The following MAST4 variants were observed in gnomAD, a reference collection of about 807,000 sequenced individuals.
MAST4 encodes microtubule associated serine/threonine kinase family member 4, also known as microtubule-associated serine/threonine-protein kinase 4.
Under a neutral mutation model 162.7 loss-of-function variants are expected in MAST4, and 89 were observed. The observed-to-expected ratio is 0.55, with a 90% CI of 0.46 to 0.65. MAST4 has a LOEUF of 0.65. MAST4 is among the 30% of genes least tolerant of loss of function. The pLI, the probability that MAST4 is intolerant of heterozygous loss-of-function variation, is 0.00. For synonymous variants in MAST4, 1,479 were observed against 1,361.1 expected (o/e 1.09, Z -1.91); for missense variants, 3,153 against 3,374.0 (o/e 0.93, Z 1.62).
rs760850662 is a variant in MAST4, at chr5:67,162,838, A to T, written c.3967+50A>T. 7.1e-6 allele frequency: 11 copies of T among 1,544,590 alleles called. No individual in the cohort carries two copies. The East Asian group carries it at 2.3e-4, about 32-fold the overall frequency. On this transcript the variant is annotated intron_variant, in intron 28 of 28. Transcript: ENST00000403625. ...AGCAGAGGGGAGGGGAGGTAAAGTC[A>T]TGTGAGGTCCCCAAAAAACATGAAG...
intron 1 of MAST4, among the ~76,000 whole-genome samples, chr5:66,685,921 C>G (rs968083462): frequency 1.3e-5 from 2 of 152,008 alleles, no homozygotes; most frequent in African/African-American, 4.8e-5. Context: ...ACTGTTCCAC[C>G]TCAGATCATT....
intron 24 of MAST4, among the ~76,000 whole-genome samples, chr5:67,151,575 A>G (rs889735805): frequency 2.6e-5 from 4 of 152,182 alleles, no homozygotes; most frequent in Non-Finnish European, 5.9e-5. Context: ...GTGTTTTGGA[A>G]TATGCAATGA....
chr5:66,794,586 C>T (rs1297137121), intron 3 of MAST4, among the ~76,000 whole-genome samples: 2 of 152,096 alleles, frequency 1.3e-5, no homozygotes, highest in Non-Finnish European at 2.9e-5. Context: ...GGAATTTAAC[C>T]TTTTTGTCCT....
At chr5:67,028,176 CAA>C (rs1433471591) in intron 4 of MAST4, among the ~76,000 whole-genome samples, 1 of 107,248 alleles carries the variant, frequency 9.3e-6, no homozygotes, top group Non-Finnish European at 2.3e-5. Context: ...AGACACACAA[CAA>C]AAAAGTGGGC....
intron 4 of MAST4, among the ~76,000 whole-genome samples, chr5:67,007,255 T>G (rs748961874): frequency 1.3e-5 from 2 of 152,194 alleles, no homozygotes; most frequent in African/African-American, 2.4e-5. Flanking sequence ...CTAAATCCTG[T>G]TTCCTTTTCC....
At chr5:66,764,573 C>T (rs1754001261) in intron 2 of MAST4, among the ~76,000 whole-genome samples, 1 of 151,854 alleles carries the variant, frequency 6.6e-6, no homozygotes, top group African/African-American at 2.4e-5. Context: ...CTAGATGATC[C>T]TGACTCTGCA....
chr5:66,894,857 A>T (rs866697577), intron 3 of MAST4, among the ~76,000 whole-genome samples: 1 of 152,074 alleles, frequency 6.6e-6, no homozygotes, highest in Non-Finnish European at 1.5e-5. Flanking sequence ...CTCCCACTAT[A>T]CTAGTGAGGG....
intron 4 of MAST4, chr5:67,003,851 T>A (rs1751581800): frequency 6.6e-6 from 1 of 152,228 alleles, no homozygotes; most frequent in South Asian, 2.1e-4. Context: ...TACCTAGATC[T>A]GTAGTTGCCG....
chr5:66,750,191 A>T (rs1414552468), intron 1 of MAST4, among the ~76,000 whole-genome samples: 1 of 152,148 alleles, frequency 6.6e-6, no homozygotes, highest in African/African-American at 2.4e-5. Flanking sequence ...GCCTCTCATT[A>T]TGTATGCAGA....
chr5:66,950,326 G>C (rs894793115), intron 4 of MAST4, among the ~76,000 whole-genome samples: 1 of 151,300 alleles, frequency 6.6e-6, no homozygotes, highest in Non-Finnish European at 1.5e-5. Context: ...GCGCCATTAA[G>C]TACATTCACA....
intron 1 of MAST4, among the ~76,000 whole-genome samples, chr5:66,748,075 A>G (rs1752877093): frequency 6.6e-6 from 1 of 152,174 alleles, no homozygotes; most frequent in Admixed American, 6.5e-5. Flanking sequence ...ACTGAAGTAG[A>G]GAAACATGAC....
chr5:66,957,944 C>G (rs1460487394), intron 4 of MAST4, among the ~76,000 whole-genome samples: 1 of 152,216 alleles, frequency 6.6e-6, no homozygotes, highest in South Asian at 2.1e-4. Flanking sequence ...TTAGGCAGAC[C>G]TCTGGGATAA....
At position 66,798,996 on chromosome 5, in the gene MAST4, A is replaced by G. The variant is rs60796607; in HGVS notation, c.642+10202A>G. 6.0e-3 allele frequency among the ~76,000 whole-genome samples: 907 copies of G among 152,328 alleles called. 9 individuals carry two copies. Among genetic ancestry groups the G allele is most frequent in the African/African-American group, 0.021 (867 of 41,564 alleles). On this transcript the variant is annotated intron_variant, in intron 3 of 28. Transcript: ENST00000403625. ...TTTATAAAGCTCTGATTTTAAAGTC[A>G]TCAGTTAAACTTTTAAAAACCTCCG...
At position 67,116,805 on chromosome 5, in the gene MAST4, G is replaced by A. The variant is rs146074821; in HGVS notation, c.1592-1877G>A. ...CACTACAGTCTGAGCGACAGAACAA[G>A]ACTCCATCTCAAGAAATAAAAAATA... is the stretch of plus-strand genomic sequence containing the variant. On this transcript the variant is annotated intron_variant, in intron 12 of 28. Transcript: ENST00000403625. Among the ~76,000 whole-genome samples the A allele has an allele frequency of 7.9e-4, 121 of 152,202 alleles. 1 individual carries two copies. The highest frequency in any genetic ancestry group is 2.6e-3 in the African/African-American group (109 of 41,540).
At chr5:66,917,540 A>AG (rs1232723991) in intron 4 of MAST4, among the ~76,000 whole-genome samples, 5 of 151,710 alleles carry the variant, frequency 3.3e-5, no homozygotes, top group Non-Finnish European at 7.4e-5. Context: ...TTTTAAAAAA[A>AG]CATTCAATCT....
intron 2 of MAST4, among the ~76,000 whole-genome samples, chr5:66,784,385 T>C (rs114409125): frequency 0.021 from 3,242 of 152,334 alleles, 122 homozygotes; most frequent in African/African-American, 0.074. Flanking sequence ...TAATATTTGC[T>C]ACATTCTCCG....
At position 66,687,329 on chromosome 5, in the gene MAST4, G is replaced by GTATTTGATTTTCTGT. The variant is rs1160039216; in HGVS notation, c.364-72378_364-72364dup. Among the ~76,000 whole-genome samples the GTATTTGATTTTCTGT allele has an allele frequency of 3.3e-5, 5 of 152,178 alleles. No homozygotes were observed. In the East Asian group the frequency reaches 5.8e-4, roughly 18 times the overall value. On this transcript the variant is annotated intron_variant, in intron 1 of 28. Coordinates refer to ENST00000403625, the MANE Select transcript of MAST4 (RefSeq NM_001164664.2). ...TCCCACTTACAAATGAGAACATGCA[G>GTATTTGATTTTCTGT]TATTTGATTTTCTGTTTCTGAGTTA...
intron 1 of MAST4, among the ~76,000 whole-genome samples, chr5:66,640,242 G>T (rs1161140365): frequency 6.6e-6 from 1 of 151,836 alleles, no homozygotes; most frequent in Non-Finnish European, 1.5e-5. Context: ...ACAAATGGCA[G>T]AATCTCTTTC....
intron 4 of MAST4, chr5:67,004,650 C>G: frequency 4.8e-6 from 1 of 208,376 alleles, no homozygotes; most frequent in Non-Finnish European, 1.0e-5. Flanking sequence ...CCGACTGAAT[C>G]CCACAGACAG....
Sources: gnomAD v4.1 joint callset for allele counts (sites outside exome capture counted in the v4.1 genomes callset) on GRCh38, gnomAD v4.1.1 for gene constraint, MANE v1.5 for transcripts, NCBI Gene and HGNC (gene_info 2026-07-23, HGNC 2026-07-21) for gene names.